Variants in PRKG1 observed in about 807,000 individuals in gnomAD.
PRKG1 encodes the protein protein kinase cGMP-dependent 1.
In PRKG1, 35 loss-of-function variants were observed where a neutral mutation model predicts 88.1. The observed-to-expected ratio is 0.40, with a 90% CI of 0.30 to 0.53. The LOEUF (loss-of-function observed/expected upper bound fraction) is 0.53. Among genes scored for constraint, PRKG1 ranks in the 20% least tolerant of loss-of-function variants. PRKG1 has a pLI of 0.59. For missense variants in PRKG1, 540 were observed against 839.8 expected (o/e 0.64, Z 4.41); for synonymous variants, 303 against 292.5 (o/e 1.04, Z -0.37).
chr10:51,699,216 C>T (rs1841396877), intron 3 of PRKG1: 3 of 1,614,014 alleles, frequency 1.9e-6, no homozygotes, highest in Admixed American at 1.7e-5. Flanking sequence ...TAGGGTGAGT[C>T]AATAATGGGC....
intron 5 of PRKG1, among the ~76,000 whole-genome samples, chr10:51,971,741 ACACTT>A (rs1843718503): frequency 6.6e-6 from 1 of 152,160 alleles, no homozygotes; most frequent in Non-Finnish European, 1.5e-5. Context: ...ATCCTAATGT[ACACTT>A]CATTTTATTA....
rs139186594 is a variant in PRKG1 at position 51,698,286 on chromosome 10, C to T, written c.593-106299C>T. 3.0e-5 allele frequency: 49 copies of T among 1,613,990 alleles called. No homozygotes were observed. Among genetic ancestry groups the T allele is most frequent in the Admixed American group, 1.2e-4 (7 of 60,002 alleles). The stretch of plus-strand genomic sequence containing the variant: ...GTCTCTAAGACCTCAGTTTCCATGG[C>T]ACGAGTCTCCATCGCTCGAGAATCT... On this transcript the variant is annotated intron_variant, in intron 3 of 17. Coordinates refer to ENST00000373980, the MANE Select transcript of PRKG1 (RefSeq NM_006258.4).
intron 2 of PRKG1, among the ~76,000 whole-genome samples, chr10:51,308,908 A>G (rs1335133168): frequency 6.6e-6 from 1 of 152,136 alleles, no homozygotes; most frequent in African/African-American, 2.4e-5. Context: ...GGCACCACCA[A>G]CTGGTGCTGG....
intron 7 of PRKG1, among the ~76,000 whole-genome samples, chr10:52,112,549 G>A (rs930081362): frequency 1.3e-5 from 2 of 152,060 alleles, no homozygotes; most frequent in Admixed American, 1.3e-4. Flanking sequence ...AAAACACATA[G>A]GATTCTTTCT....
chr10:52,066,165 A>G (rs371569294), intron 7 of PRKG1, among the ~76,000 whole-genome samples: 108 of 151,960 alleles, frequency 7.1e-4, no homozygotes, highest in African/African-American at 2.4e-3. Flanking sequence ...TTTTTTCTTC[A>G]TTTGACTTCA....
At chr10:52,268,128 C>T (rs1336951726) in intron 10 of PRKG1, among the ~76,000 whole-genome samples, 1 of 152,024 alleles carries the variant, frequency 6.6e-6, no homozygotes, top group East Asian at 1.9e-4. Context: ...ATTCTAAGGG[C>T]CCTGCTCTAA....
Position 51,238,248 on chromosome 10 carries a change from T to C in PRKG1, c.478+84918T>C, listed in dbSNP as rs540834936. Among the ~76,000 whole-genome samples the C allele has an allele frequency of 2.6e-5, 4 of 152,258 alleles. No individual in the cohort carries two copies. The East Asian group carries it at 7.7e-4, about 29-fold the overall frequency. The stretch of plus-strand genomic sequence containing the variant: ...GTTGGTGGGCATCGAACTTTCATCG[T>C]TGTACTTTATTGAGTTGCTATAGAC... On this transcript the variant is annotated intron_variant, in intron 2 of 17. Coordinates refer to ENST00000373980, the MANE Select transcript of PRKG1 (RefSeq NM_006258.4).
chr10:51,076,288 AC>A (rs1226379043), intron 1 of PRKG1, among the ~76,000 whole-genome samples: 1 of 152,170 alleles, frequency 6.6e-6, no homozygotes, highest in Non-Finnish European at 1.5e-5. Context: ...TGAGATTCTG[AC>A]CTTACCAAAT....
intron 2 of PRKG1, among the ~76,000 whole-genome samples, chr10:51,156,580 T>C (rs546324619): frequency 2.6e-5 from 4 of 152,146 alleles, no homozygotes; most frequent in East Asian, 1.9e-4. Context: ...GCTTTTGCAA[T>C]GTTGTTGATT....
In PRKG1 at chr10:52,021,352, G is replaced by A. The variant is rs189677875; in HGVS notation, c.763-33132G>A. ...GGAGGGAGGCCACATGGGGTGTGAG[G>A]TAGAGTCTTGGGCCATTCAAAGGTA... On this transcript the variant is annotated intron_variant, in intron 5 of 17. Coordinates refer to ENST00000373980, the MANE Select transcript of PRKG1 (RefSeq NM_006258.4). 5.4e-4 allele frequency among the ~76,000 whole-genome samples: 83 copies of A among 152,300 alleles called. 2 individuals carry two copies. In the East Asian group the frequency reaches 0.014, roughly 25 times the overall value.
At chr10:52,012,896 A>G (rs1371805810) in intron 5 of PRKG1, among the ~76,000 whole-genome samples, 1 of 152,200 alleles carries the variant, frequency 6.6e-6, no homozygotes, top group Non-Finnish European at 1.5e-5. Flanking sequence ...TGTCAATACC[A>G]TGTGGTAATT....
At chr10:51,424,208 T>G (rs1385277368) in intron 2 of PRKG1, among the ~76,000 whole-genome samples, 3 of 152,106 alleles carry the variant, frequency 2.0e-5, no homozygotes. Context: ...ATAGCTATCT[T>G]TAAACCAGAG....
At chr10:51,731,531 G>A (rs1302558361) in intron 3 of PRKG1, among the ~76,000 whole-genome samples, 6 of 152,136 alleles carry the variant, frequency 3.9e-5, no homozygotes, top group African/African-American at 1.2e-4. Flanking sequence ...AAATTTAGCC[G>A]TTAAAATATT....
chr10:52,001,882 T>A (rs1438643118), intron 5 of PRKG1, among the ~76,000 whole-genome samples: 1 of 152,036 alleles, frequency 6.6e-6, no homozygotes, highest in Non-Finnish European at 1.5e-5. Flanking sequence ...ATACATCTTT[T>A]AAACTGTTTA....
chr10:51,087,322 G>C (rs1260236786), intron 1 of PRKG1, among the ~76,000 whole-genome samples: 2 of 151,194 alleles, frequency 1.3e-5, no homozygotes, highest in Non-Finnish European at 2.9e-5. Context: ...TGATGATAAT[G>C]ATGATAATTA....
At chr10:51,111,033 T>A (rs533052706) in intron 1 of PRKG1, among the ~76,000 whole-genome samples, 3 of 152,222 alleles carry the variant, frequency 2.0e-5, no homozygotes, top group South Asian at 2.1e-4. Context: ...CAAGGAAAGG[T>A]GCAGATAGAT....
intron 2 of PRKG1, among the ~76,000 whole-genome samples, chr10:51,186,760 G>T (rs1837497754): frequency 6.6e-6 from 1 of 151,582 alleles, no homozygotes; most frequent in Non-Finnish European, 1.5e-5. Context: ...CTGCATTTTA[G>T]AGCGTGCCCC....
Position 51,172,644 on chromosome 10 carries a change from GTATGTATCTATCTATCTATC to G in PRKG1, c.478+19318_478+19337del, listed in dbSNP as rs1184385032. On this transcript the variant is annotated intron_variant, in intron 2 of 17. Coordinates refer to ENST00000373980, the MANE Select transcript of PRKG1 (RefSeq NM_006258.4). The stretch of plus-strand genomic sequence containing the variant: ...TGTATGTATGTATGTATGTATGTAT[GTATGTATCTATCTATCTATC>G]TATCTATCTATCTATCTATCTATCT... Among the ~76,000 whole-genome samples the G allele has an allele frequency of 9.1e-3, 1,083 of 119,496 alleles. 9 individuals carry two copies. Among genetic ancestry groups the G allele is most frequent in the Middle Eastern group, 0.016 (4 of 246 alleles). 78.4% of individuals were successfully genotyped at this position (119,496 alleles called of 152,430 possible).
intron 9 of PRKG1, among the ~76,000 whole-genome samples, chr10:52,239,828 A>G (rs1329831110): frequency 6.6e-6 from 1 of 152,142 alleles, no homozygotes; most frequent in African/African-American, 2.4e-5. Flanking sequence ...ATAATTTTGT[A>G]TACATATAGA....
Sources: allele counts gnomAD v4.1 joint callset (sites outside exome capture counted in the v4.1 genomes callset), GRCh38; gene constraint gnomAD v4.1.1; transcripts MANE v1.5; gene names NCBI Gene and HGNC (gene_info 2026-07-23, HGNC 2026-07-21).